Variants in GRHL2 observed in about 807,000 individuals in gnomAD.
The protein encoded by GRHL2 is grainyhead like transcription factor 2, also known as grainyhead-like protein 2 homolog.
Under a neutral mutation model 83.8 loss-of-function variants are expected in GRHL2, and 21 were observed. The observed-to-expected ratio is 0.25, with a 90% CI of 0.18 to 0.36. The LOEUF is 0.36. Among genes scored for constraint, GRHL2 ranks in the 10% least tolerant of loss-of-function variants. The pLI is 1.00. For missense variants in GRHL2, 623 were observed against 781.8 expected (o/e 0.80, Z 2.42); for synonymous variants, 280 against 278.9 (o/e 1.00, Z -0.04).
At chr8:101,659,177 A>C (rs991268777) in intron 14 of GRHL2, among the ~76,000 whole-genome samples, 4 of 152,230 alleles carry the variant, frequency 2.6e-5, no homozygotes, top group African/African-American at 9.6e-5. Context: ...GTAATTTCAA[A>C]GTATGATGAA....
Position 101,509,141 on chromosome 8 carries a change from C to T in GRHL2, c.20+16352C>T, listed in dbSNP as rs868279103. Among the ~76,000 whole-genome samples the T allele has an allele frequency of 1.3e-3, 58 of 45,264 alleles. 1 individual carries two copies. The highest frequency in any genetic ancestry group is 1.5e-3 in the African/African-American group (27 of 17,794). 29.7% of individuals were successfully genotyped at this position (45,264 alleles called of 152,430 possible). ...TCCTTCCTTCCTTCCTTCCTTCCTT[C>T]CTTCCTTCCTTCCTTCCTTTCTTTC... On this transcript the variant is annotated intron_variant, in intron 1 of 15. Transcript: ENST00000646743.
intron 7 of GRHL2, among the ~76,000 whole-genome samples, chr8:101,595,814 A>C (rs1812378716): frequency 6.6e-6 from 1 of 152,172 alleles, no homozygotes; most frequent in South Asian, 2.1e-4. Context: ...TCAATAAATA[A>C]ATGCATTTTT....
intron 14 of GRHL2, among the ~76,000 whole-genome samples, chr8:101,650,716 T>G (rs961494005): frequency 6.6e-6 from 1 of 152,122 alleles, no homozygotes; most frequent in Admixed American, 6.5e-5. Context: ...GTTTCGGAAT[T>G]AGATAGAGGT....
chr8:101,573,490 A>T (rs192027183), intron 5 of GRHL2, among the ~76,000 whole-genome samples, 178 bp from the exon 6 acceptor site: 1 of 152,190 alleles, frequency 6.6e-6, no homozygotes, highest in Non-Finnish European at 1.5e-5. Context: ...AATGTTGTAT[A>T]CATTGTACTA....
At chr8:101,652,560 G>GTAT (rs879733135) in intron 14 of GRHL2, among the ~76,000 whole-genome samples, 1 of 53,348 alleles carries the variant, frequency 1.9e-5, no homozygotes, top group Non-Finnish European at 3.5e-5. Flanking sequence ...GTGTATGTGT[G>GTAT]GTGGTGTGTG....
At chr8:101,640,603 T>C (rs967616925) in intron 12 of GRHL2, among the ~76,000 whole-genome samples, 1 of 152,230 alleles carries the variant, frequency 6.6e-6, no homozygotes, top group African/African-American at 2.4e-5. Flanking sequence ...GGTCTTCATC[T>C]ACATCTGACC....
At chr8:101,642,707 T>C (rs1372303918) in intron 12 of GRHL2, among the ~76,000 whole-genome samples, 1 of 152,208 alleles carries the variant, frequency 6.6e-6, no homozygotes, top group Non-Finnish European at 1.5e-5. Flanking sequence ...AGGAAATAAA[T>C]TCAGAGGATG....
intron 2 of GRHL2, 38 bp downstream of exon 2, chr8:101,543,474 C>G: frequency 6.4e-7 from 1 of 1,568,524 alleles, no homozygotes; most frequent in East Asian, 2.2e-5. Context: ...TCTTCCTGCT[C>G]CAGGACAACC....
At position 101,593,197 on chromosome 8, in the gene GRHL2, C is replaced by T. The variant is rs554965787; in HGVS notation, c.1004-5860C>T. On this transcript the variant is annotated intron_variant, in intron 7 of 15. Coordinates refer to ENST00000646743, the MANE Select transcript of GRHL2 (RefSeq NM_024915.4). ...CTGACCTCAGATGATCCACCTGTCT[C>T]GGCCTCCCAAAGTGTTAGGATTACA... Among the ~76,000 whole-genome samples the T allele has an allele frequency of 3.2e-4, 48 of 152,306 alleles. No individual in the cohort carries two copies. In the South Asian group the frequency reaches 4.4e-3, roughly 14 times the overall value.
rs1274861053 is a variant in GRHL2, at chr8:101,513,263, T to G, written c.20+20474T>G. 2.6e-5 allele frequency among the ~76,000 whole-genome samples: 4 copies of G among 152,124 alleles called. No individual in the cohort carries two copies. In the East Asian group the frequency reaches 7.7e-4, roughly 29 times the overall value. On this transcript the variant is annotated intron_variant, in intron 1 of 15. Coordinates refer to ENST00000646743, the MANE Select transcript of GRHL2 (RefSeq NM_024915.4). The stretch of plus-strand genomic sequence containing the variant: ...TCACGATCCCACTACTTACTGGGGT[T>G]GTGGCCTTGGGTAAATTACTTAATT...
chr8:101,651,459 G>C (rs1328480064), intron 14 of GRHL2, among the ~76,000 whole-genome samples: 2 of 152,218 alleles, frequency 1.3e-5, no homozygotes, highest in Non-Finnish European at 2.9e-5. Context: ...CTCTGATCTA[G>C]ACCATTTCTG....
chr8:101,656,789 C>T (rs912845964), intron 14 of GRHL2, among the ~76,000 whole-genome samples: 1 of 152,098 alleles, frequency 6.6e-6, no homozygotes, highest in Non-Finnish European at 1.5e-5. Flanking sequence ...TAAAGTAACA[C>T]ACAGAAATTA....
At chr8:101,521,778 TAA>T (rs1253021392) in intron 1 of GRHL2, among the ~76,000 whole-genome samples, 1 of 152,054 alleles carries the variant, frequency 6.6e-6, no homozygotes, top group African/African-American at 2.4e-5. Context: ...GGGCCGATTA[TAA>T]AAAAAAGTTT....
chr8:101,653,412 C>G (rs973651978), intron 14 of GRHL2, among the ~76,000 whole-genome samples: 3 of 152,090 alleles, frequency 2.0e-5, no homozygotes, highest in African/African-American at 7.2e-5. Flanking sequence ...AAATGGCTTC[C>G]CATAAACACA....
At chr8:101,553,884 C>T (rs1424937878) in intron 3 of GRHL2, among the ~76,000 whole-genome samples, 1 of 152,096 alleles carries the variant, frequency 6.6e-6, no homozygotes, top group African/African-American at 2.4e-5. Flanking sequence ...CCTCAGCCTC[C>T]CAAAGTGCTG....
rs542659124 is a variant in GRHL2, at chr8:101,517,332, A to G, written c.20+24543A>G. 1.7e-4 allele frequency among the ~76,000 whole-genome samples: 26 copies of G among 152,256 alleles called. No individual in the cohort carries two copies. In the East Asian group the frequency reaches 4.4e-3, roughly 26 times the overall value. On this transcript the variant is annotated intron_variant, in intron 1 of 15. Transcript: ENST00000646743. ...TTGTTTTCAGTTTTGCTAAGTTCCT[A>G]TTCTCTGCTGAGGATGATTCATGGA...
intron 2 of GRHL2, among the ~76,000 whole-genome samples, chr8:101,544,274 C>T (rs2130125669): frequency 6.6e-6 from 1 of 152,294 alleles, no homozygotes; most frequent in Admixed American, 6.5e-5. Context: ...CCAGTGAACA[C>T]TTTCGTGGAA....
chr8:101,637,381 C>A (rs61618020), intron 12 of GRHL2, among the ~76,000 whole-genome samples: 4,283 of 152,256 alleles, frequency 0.028, 190 homozygotes, highest in African/African-American at 0.097. Flanking sequence ...AAGCCCTGTC[C>A]CTGAGAAGTT....
intron 4 of GRHL2, among the ~76,000 whole-genome samples, chr8:101,561,279 G>T (rs983710660): frequency 6.6e-6 from 1 of 151,952 alleles, no homozygotes; most frequent in Non-Finnish European, 1.5e-5. Context: ...CTTTTAAAAG[G>T]CACTGGGATT....
Sources: gnomAD v4.1 joint callset for allele counts (sites outside exome capture counted in the v4.1 genomes callset) on GRCh38, gnomAD v4.1.1 for gene constraint, MANE v1.5 for transcripts, NCBI Gene and HGNC (gene_info 2026-07-23, HGNC 2026-07-21) for gene names.